The following NUP160 variants were observed in gnomAD, a reference collection of about 807,000 sequenced individuals.
The protein encoded by NUP160 is nucleoporin 160, also known as nuclear pore complex protein Nup160.
Under a neutral mutation model 196.9 loss-of-function variants are expected in NUP160, and 94 were observed. That is an observed-to-expected ratio of 0.48 (90% CI 0.40 to 0.57). The LOEUF (loss-of-function observed/expected upper bound fraction) is 0.57. Among genes scored for constraint, NUP160 ranks in the 20% least tolerant of loss-of-function variants. The pLI, the probability that NUP160 is intolerant of heterozygous loss-of-function variation, is 0.00. For missense variants in NUP160, 1,638 were observed against 1,748.3 expected (o/e 0.94, Z 1.13); for synonymous variants, 605 against 619.7 (o/e 0.98, Z 0.35).
intron 19 of NUP160, chr11:47,806,524 CAA>C: frequency 2.1e-6 from 1 of 482,488 alleles, no homozygotes; most frequent in Non-Finnish European, 3.7e-6. Flanking sequence ...CCATTCACAT[CAA>C]AGTTATAGTC....
intron 27 of NUP160, chr11:47,796,208 G>T: frequency 4.5e-6 from 2 of 440,498 alleles, no homozygotes; most frequent in South Asian, 6.3e-5. Flanking sequence ...CCAGGAAGGT[G>T]AGATCTTCCA....
At chr11:47,841,509 C>T in intron 2 of NUP160, 1 of 396,376 alleles carries the variant, frequency 2.5e-6, no homozygotes, top group Non-Finnish European at 5.0e-6. Flanking sequence ...GGGTCATGCT[C>T]ACTGGCCACC....
chr11:47,822,292 C>T (rs1851876409), intron 7 of NUP160, 128 bp from the exon 8 acceptor site: 8 of 527,982 alleles, frequency 1.5e-5, no homozygotes, highest in Non-Finnish European at 2.7e-5. Context: ...GAGTCTTGCT[C>T]TGTTGCCCAG....
chr11:47,835,266 T>C (rs946668490), intron 7 of NUP160, among the ~76,000 whole-genome samples: 2 of 152,168 alleles, frequency 1.3e-5, no homozygotes, highest in Non-Finnish European at 2.9e-5. Context: ...ATTACACTAT[T>C]ACATCACATC....
Position 47,840,075 on chromosome 11 carries a change from A to G in NUP160, c.526-10T>C, listed in dbSNP as rs1258248966. ...TGTCAACTACCAACTCCTGTTGAGT[A>G]ATTAAAAAGAAAAATCTATTAAATC... On this transcript the variant is annotated splice_polypyrimidine_tract_variant and intron_variant, in intron 3 of 35. Transcript: ENST00000378460. 6 of 1,584,216 alleles carry G rather than the reference A, an allele frequency of 3.8e-6. No individual in the cohort carries two copies. In the South Asian group the frequency reaches 6.7e-5, roughly 18 times the overall value.
At chr11:47,840,959 C>A (rs538001478) in intron 2 of NUP160, among the ~76,000 whole-genome samples, 3 of 152,064 alleles carry the variant, frequency 2.0e-5, no homozygotes, top group Non-Finnish European at 2.9e-5. Flanking sequence ...TTAATAATTG[C>A]GGTTATTTCC....
intron 23 of NUP160, 56 bp downstream of exon 23, chr11:47,801,755 A>G (rs555833007): frequency 6.7e-7 from 1 of 1,495,290 alleles, no homozygotes; most frequent in Admixed American, 2.0e-5. Flanking sequence ...AAAGCAATGT[A>G]TTTCAGATGT....
intron 34 of NUP160, among the ~76,000 whole-genome samples, chr11:47,780,857 A>G (rs918712948): frequency 6.6e-6 from 1 of 152,128 alleles, no homozygotes; most frequent in Non-Finnish European, 1.5e-5. Context: ...CAACCACAAG[A>G]AACTGTGTGT....
intron 27 of NUP160, among the ~76,000 whole-genome samples, chr11:47,795,403 A>C (rs2097670317): frequency 6.6e-6 from 1 of 152,212 alleles, no homozygotes; most frequent in Non-Finnish European, 1.5e-5. Context: ...AGAGATCTTT[A>C]ATAATTTTTA....
At chr11:47,807,002 G>T in intron 19 of NUP160, 68 bp downstream of exon 19, 1 of 1,177,428 alleles carries the variant, frequency 8.5e-7, no homozygotes, top group South Asian at 1.3e-5. Context: ...GGTGGCAAAA[G>T]ACCACTTTAA....
At chr11:47,835,593 C>T (rs1852156378) in intron 7 of NUP160, 58 bp downstream of exon 7, 7 of 1,388,834 alleles carry the variant, frequency 5.0e-6, no homozygotes. Flanking sequence ...AGTCTACAGC[C>T]ATTTCTCCAC....
rs374421198 is a variant in NUP160 at position 47,833,389 on chromosome 11, AG to A, written c.1101+2261del. Among the ~76,000 whole-genome samples, 19 of 151,648 alleles carry A rather than the reference AG, an allele frequency of 1.3e-4. No individual in the cohort carries two copies. In the East Asian group the frequency reaches 3.5e-3, roughly 28 times the overall value. On this transcript the variant is annotated intron_variant, in intron 7 of 35. Coordinates refer to ENST00000378460, the Ensembl canonical transcript of NUP160. ...AGAATTGCTTGAACCCAGGAGGCAG[AG>A]GTTGCAGTCAGTTGAGGTCACGCTA... is the stretch of plus-strand genomic sequence containing the variant.
intron 4 of NUP160, 63 bp from the exon 5 acceptor site, chr11:47,837,686 T>A: frequency 7.9e-7 from 1 of 1,259,234 alleles, no homozygotes; most frequent in Non-Finnish European, 1.2e-6. Flanking sequence ...AAGAATGATG[T>A]AACCATGAAC....
At chr11:47,792,612 G>T in intron 28 of NUP160, 174 bp downstream of exon 28, 2 of 611,862 alleles carry the variant, frequency 3.3e-6, no homozygotes. Flanking sequence ...AAAACTAAAG[G>T]GGTAGTAATA....
At chr11:47,817,096 C>T (rs1390756022) in intron 11 of NUP160, among the ~76,000 whole-genome samples, 2 of 151,608 alleles carry the variant, frequency 1.3e-5, no homozygotes, top group Non-Finnish European at 2.9e-5. Flanking sequence ...CAACCTAGGG[C>T]TCCTGAGTAG....
At chr11:47,824,989 C>T (rs1851939422) in intron 7 of NUP160, among the ~76,000 whole-genome samples, 1 of 151,984 alleles carries the variant, frequency 6.6e-6, no homozygotes, top group Non-Finnish European at 1.5e-5. Context: ...GCGCCTGCCA[C>T]CACGCCCAGC....
At chr11:47,841,541 GA>G in intron 2 of NUP160, 2 of 425,878 alleles carry the variant, frequency 4.7e-6, no homozygotes, top group African/African-American at 2.1e-5. Context: ...CATGTGAGCT[GA>G]AAAACTGCAG....
chr11:47,835,853 A>T, intron 6 of NUP160, 44 bp from the exon 7 acceptor site: 1 of 1,430,608 alleles, frequency 7.0e-7, no homozygotes, highest in East Asian at 2.4e-5. Context: ...AGGGATATTC[A>T]GGCTAGAAGA....
At chr11:47,810,566 A>T (rs112348392) in intron 17 of NUP160, among the ~76,000 whole-genome samples, 6,794 of 142,132 alleles carry the variant, frequency 0.048, 236 homozygotes, top group Middle Eastern at 0.077. Context: ...TTTTTTTTGG[A>T]GACAGAATCT....
Sources: allele counts gnomAD v4.1 joint callset (sites outside exome capture counted in the v4.1 genomes callset), GRCh38; gene constraint gnomAD v4.1.1; transcripts MANE v1.5; gene names NCBI Gene and HGNC (gene_info 2026-07-23, HGNC 2026-07-21).